The following STXBP5 variants were observed in gnomAD, a reference collection of about 807,000 sequenced individuals.
The protein encoded by STXBP5 is syntaxin binding protein 5.
Under a neutral mutation model 152.4 loss-of-function variants are expected in STXBP5, and 50 were observed. The observed-to-expected ratio is 0.33, with a 90% CI of 0.26 to 0.42. The LOEUF is 0.42. STXBP5 is among the 10% of genes least tolerant of loss of function. STXBP5 has a pLI of 1.00. For missense variants in STXBP5, 1,167 were observed against 1,388.6 expected (o/e 0.84, Z 2.54); for synonymous variants, 492 against 494.7 (o/e 0.99, Z 0.07).
chr6:147,223,130 C>G (rs886632199), intron 2 of STXBP5, among the ~76,000 whole-genome samples: 2 of 152,196 alleles, frequency 1.3e-5, no homozygotes, highest in African/African-American at 4.8e-5. Flanking sequence ...ATGCTCCTTA[C>G]ACACTACACT....
intron 2 of STXBP5, among the ~76,000 whole-genome samples, chr6:147,226,839 G>A (rs960425286): frequency 6.6e-6 from 1 of 152,148 alleles, no homozygotes; most frequent in Non-Finnish European, 1.5e-5. Context: ...AAATTGATGA[G>A]TTAAGCAAAC....
At chr6:147,348,074 T>G (rs1157502814) in intron 21 of STXBP5, among the ~76,000 whole-genome samples, 2 of 152,218 alleles carry the variant, frequency 1.3e-5, no homozygotes, top group African/African-American at 4.8e-5. Flanking sequence ...ACATTATATC[T>G]GGTTAACAAT....
At chr6:147,276,125 G>A (rs1036915767) in intron 7 of STXBP5, among the ~76,000 whole-genome samples, 1 of 152,108 alleles carries the variant, frequency 6.6e-6, no homozygotes, top group Non-Finnish European at 1.5e-5. Context: ...TAAAGAAAAA[G>A]TATAAATTGT....
chr6:147,357,646 G>T (rs1316765044), intron 22 of STXBP5, among the ~76,000 whole-genome samples: 1 of 152,036 alleles, frequency 6.6e-6, no homozygotes. Flanking sequence ...CCGAACTTAG[G>T]ATAATGGAAG....
chr6:147,377,725 C>G (rs781315698), intron 26 of STXBP5, among the ~76,000 whole-genome samples: 5 of 152,006 alleles, frequency 3.3e-5, no homozygotes, highest in Non-Finnish European at 7.4e-5. Context: ...TTTTACCTCC[C>G]AAAGGCCCCC....
rs116468955 is a variant in STXBP5, at chr6:147,210,774, C to T, written c.248+4706C>T. ...AATCTAATAAAATGTGTGTGTGTAG[C>T]TTTTACGATCATGAAGGGATATTGT... On this transcript the variant is annotated intron_variant, in intron 2 of 27. Coordinates refer to ENST00000321680, the MANE Select transcript of STXBP5 (RefSeq NM_001127715.4). Among the ~76,000 whole-genome samples the T allele has an allele frequency of 5.6e-3, 848 of 152,164 alleles. 4 individuals are homozygous for T. The highest frequency in any genetic ancestry group is 0.019 in the African/African-American group (794 of 41,490).
intron 2 of STXBP5, among the ~76,000 whole-genome samples, chr6:147,219,388 C>T (rs754072964): frequency 4.6e-5 from 7 of 151,976 alleles, no homozygotes; most frequent in African/African-American, 7.3e-5. Context: ...TTTCTTTTCT[C>T]GTAATGCCTT....
At chr6:147,375,648 AAG>A (rs1785776229) in intron 26 of STXBP5, among the ~76,000 whole-genome samples, 1 of 150,814 alleles carries the variant, frequency 6.6e-6, no homozygotes, top group South Asian at 2.1e-4. Context: ...TATATAAAGA[AAG>A]AAGTCAGAAA....
At chr6:147,346,013 A>G (rs1448706137) in intron 21 of STXBP5, among the ~76,000 whole-genome samples, 1 of 152,194 alleles carries the variant, frequency 6.6e-6, no homozygotes, top group African/African-American at 2.4e-5. Flanking sequence ...TTTTCCTCAG[A>G]CTGAAGAAAC....
chr6:147,260,956 A>G lies in STXBP5; in HGVS notation c.566+207A>G, dbSNP rs540904216. ...ATTATGCATATGTATATAGAGATAT[A>G]TGCACATTACATATGTATATATTTA... is the stretch of plus-strand genomic sequence containing the variant. On this transcript the variant is annotated intron_variant, in intron 5 of 27. Transcript: ENST00000321680. 2.0e-3 allele frequency among the ~76,000 whole-genome samples: 308 copies of G among 152,246 alleles called. 2 individuals carry two copies. Among genetic ancestry groups the G allele is most frequent in the South Asian group, 0.019 (93 of 4,824 alleles).
intron 17 of STXBP5, among the ~76,000 whole-genome samples, chr6:147,325,370 C>T (rs535187207): frequency 2.6e-5 from 4 of 151,988 alleles, no homozygotes; most frequent in Admixed American, 6.6e-5. Context: ...TAAATATACT[C>T]CCAGAAATAA....
intron 27 of STXBP5, among the ~76,000 whole-genome samples, chr6:147,384,371 G>T (rs1046310136): frequency 6.6e-6 from 1 of 152,104 alleles, no homozygotes; most frequent in Non-Finnish European, 1.5e-5. Context: ...ATGGCAGGAG[G>T]AGTAGCATTT....
rs924392682 is a variant in STXBP5 at position 147,385,868 on chromosome 6, G to A, written c.*1113G>A. 1.3e-5 allele frequency: 2 copies of A among 152,044 alleles called. No homozygotes were observed. The highest frequency in any genetic ancestry group is 4.8e-5 in the African/African-American group (2 of 41,422). The allele number at this position is 152,044 out of a possible 1,614,324, so 9.4% of individuals were successfully genotyped here. On this transcript the variant is annotated 3_prime_UTR_variant, in exon 28 of 28. Coordinates refer to ENST00000321680, the MANE Select transcript of STXBP5 (RefSeq NM_001127715.4). ...CATGCTATCGCATGGAAAATTACAA[G>A]CATCTGTTGTCAATAATTATATAAG...
At chr6:147,208,692 G>T (rs1776695635) in intron 2 of STXBP5, among the ~76,000 whole-genome samples, 1 of 152,036 alleles carries the variant, frequency 6.6e-6, no homozygotes, top group African/African-American at 2.4e-5. Flanking sequence ...TCAGAAGTAA[G>T]ATTAGGCTAT....
At chr6:147,356,403 A>G (rs1784817418) in intron 22 of STXBP5, among the ~76,000 whole-genome samples, 1 of 151,894 alleles carries the variant, frequency 6.6e-6, no homozygotes, top group Admixed American at 6.6e-5. Flanking sequence ...TATCATTGTA[A>G]AATTTTAAAA....
rs184671285 is a variant in STXBP5, at chr6:147,212,063, A to T, written c.248+5995A>T. Among the ~76,000 whole-genome samples, 5 of 152,360 alleles carry T rather than the reference A, an allele frequency of 3.3e-5. No homozygotes were observed. In the East Asian group the frequency reaches 9.6e-4, roughly 29 times the overall value. ...AAGAGGACATTGCATAAAAGGAAGA[A>T]TAAGTGCTGTATCAGCTGTAAGTTG... On this transcript the variant is annotated intron_variant, in intron 2 of 27. Coordinates refer to ENST00000321680, the MANE Select transcript of STXBP5 (RefSeq NM_001127715.4).
chr6:147,270,984 G>A (rs1283186537), intron 7 of STXBP5, among the ~76,000 whole-genome samples: 3 of 152,082 alleles, frequency 2.0e-5, no homozygotes, highest in East Asian at 1.9e-4. Flanking sequence ...CAACAGCAGC[G>A]ACTCAGAGAG....
intron 2 of STXBP5, among the ~76,000 whole-genome samples, chr6:147,225,799 A>G (rs1777680570): frequency 6.6e-6 from 1 of 152,184 alleles, no homozygotes; most frequent in Non-Finnish European, 1.5e-5. Context: ...GGGAAAAATA[A>G]GCAATAAGAG....
At chr6:147,356,156 A>G (rs1784805908) in intron 22 of STXBP5, among the ~76,000 whole-genome samples, 1 of 152,150 alleles carries the variant, frequency 6.6e-6, no homozygotes, top group South Asian at 2.1e-4. Context: ...GTATTAGTCT[A>G]TTAAATTCAA....
Sources: gnomAD v4.1 joint callset for allele counts (sites outside exome capture counted in the v4.1 genomes callset) on GRCh38, gnomAD v4.1.1 for gene constraint, MANE v1.5 for transcripts, NCBI Gene and HGNC (gene_info 2026-07-23, HGNC 2026-07-21) for gene names.